The following DPYD variants were observed in gnomAD, a reference collection of about 807,000 sequenced individuals.
DPYD encodes dihydropyrimidine dehydrogenase.
In DPYD, 109 loss-of-function variants were observed where a neutral mutation model predicts 116.2. That is an observed-to-expected ratio of 0.94 (90% CI 0.80 to 1.10). The LOEUF is 1.10. Ranked by LOEUF, DPYD falls within the 50% of genes least tolerant of loss-of-function variation. The pLI is 0.00. For missense variants in DPYD, 1,302 were observed against 1,254.5 expected (o/e 1.04, Z -0.57); for synonymous variants, 440 against 432.0 (o/e 1.02, Z -0.23).
intron 8 of DPYD, among the ~76,000 whole-genome samples, chr1:97,653,959 T>C (rs951970707): frequency 4.6e-5 from 7 of 152,162 alleles, no homozygotes; most frequent in Non-Finnish European, 5.9e-5. Flanking sequence ...CAGATCTCTG[T>C]TGAAGTCTGA....
intron 12 of DPYD, among the ~76,000 whole-genome samples, chr1:97,532,596 T>G (rs922191910): frequency 6.6e-6 from 1 of 152,150 alleles, no homozygotes; most frequent in Non-Finnish European, 1.5e-5. Context: ...TTCTTCTTAA[T>G]TCTGTCTTTA....
chr1:97,874,180 A>G (rs1177331049), intron 2 of DPYD, among the ~76,000 whole-genome samples: 1 of 151,894 alleles, frequency 6.6e-6, no homozygotes, highest in Non-Finnish European at 1.5e-5. Flanking sequence ...ACACAGCTAA[A>G]TCCTTTGTTA....
At chr1:97,771,887 A>T (rs1416281538) in intron 3 of DPYD, among the ~76,000 whole-genome samples, 1 of 152,192 alleles carries the variant, frequency 6.6e-6, no homozygotes, top group African/African-American at 2.4e-5. Flanking sequence ...ATCTTACAAA[A>T]TATATTATAA....
chr1:97,726,029 G>A (rs1351133344), intron 4 of DPYD, among the ~76,000 whole-genome samples: 1 of 151,342 alleles, frequency 6.6e-6, no homozygotes, highest in Non-Finnish European at 1.5e-5. Flanking sequence ...TTAAAGGAGT[G>A]GGAATTATAT....
Position 97,286,689 on chromosome 1 carries a change from C to A in DPYD, c.2299+18570G>T, listed in dbSNP as rs370743531. 3.7e-4 allele frequency among the ~76,000 whole-genome samples: 57 copies of A among 152,296 alleles called. 1 individual carries two copies. In the East Asian group the frequency reaches 8.7e-3, roughly 23 times the overall value. On this transcript the variant is annotated intron_variant, in intron 18 of 22. Transcript: ENST00000370192. ...TTCATTTCATCTTCCATCACTGATA[C>A]CCTTTCTTCCAGTTGATCGCATCGG...
intron 5 of DPYD, among the ~76,000 whole-genome samples, chr1:97,707,894 C>T (rs1449084484): frequency 2.6e-5 from 4 of 151,988 alleles, no homozygotes; most frequent in African/African-American, 9.7e-5. Context: ...GGACATTTTG[C>T]ATAACAGTTC....
intron 20 of DPYD, among the ~76,000 whole-genome samples, chr1:97,145,923 T>C (rs1654592415): frequency 6.6e-6 from 1 of 152,000 alleles, no homozygotes; most frequent in East Asian, 1.9e-4. Context: ...CATCTGAGAA[T>C]ACAAAACCTC....
At chr1:97,614,048 C>T (rs1656112842) in intron 8 of DPYD, among the ~76,000 whole-genome samples, 1 of 151,880 alleles carries the variant, frequency 6.6e-6, no homozygotes, top group South Asian at 2.1e-4. Context: ...ATAGCAGCTA[C>T]CGTAGTTCCA....
At chr1:97,292,722 GCA>G (rs71765073) in intron 18 of DPYD, among the ~76,000 whole-genome samples, 41,276 of 149,704 alleles carry the variant, frequency 0.28, 5,725 homozygotes, top group Middle Eastern at 0.31. Context: ...ACACGCGCGA[GCA>G]CACACACACA....
chr1:97,183,769 A>G (rs572055706), intron 20 of DPYD, among the ~76,000 whole-genome samples: 59 of 152,194 alleles, frequency 3.9e-4, no homozygotes, highest in African/African-American at 1.3e-3. Context: ...GTTCTTCTTA[A>G]CTTTTATTTT....
chr1:97,149,312 C>T (rs1654853350), intron 20 of DPYD, among the ~76,000 whole-genome samples: 1 of 152,158 alleles, frequency 6.6e-6, no homozygotes, highest in South Asian at 2.1e-4. Context: ...AGTGCAGTGG[C>T]ATGATCTTGG....
chr1:97,192,428 CAA>C (rs1174455055), intron 20 of DPYD, among the ~76,000 whole-genome samples: 5 of 152,024 alleles, frequency 3.3e-5, no homozygotes, highest in Admixed American at 2.6e-4. Context: ...ATTGAGGGCT[CAA>C]GAAATGTCTT....
At chr1:97,635,103 G>A (rs1389128972) in intron 8 of DPYD, among the ~76,000 whole-genome samples, 4 of 151,982 alleles carry the variant, frequency 2.6e-5, no homozygotes, top group African/African-American at 4.8e-5. Context: ...AAACGCTGGA[G>A]TGGCACTGCC....
At chr1:97,632,297 C>G (rs187725410) in intron 8 of DPYD, among the ~76,000 whole-genome samples, 1 of 152,062 alleles carries the variant, frequency 6.6e-6, no homozygotes, top group Admixed American at 6.6e-5. Flanking sequence ...GGAACATTAG[C>G]GTTATCATAG....
intron 2 of DPYD, among the ~76,000 whole-genome samples, chr1:97,878,760 T>G (rs1437543343): frequency 1.3e-5 from 2 of 151,978 alleles, no homozygotes; most frequent in Admixed American, 1.3e-4. Flanking sequence ...ACACTGATCA[T>G]TAAAACGCCT....
At chr1:97,593,189 C>T in intron 10 of DPYD, 29 bp downstream of exon 10, 15 of 1,611,888 alleles carry the variant, frequency 9.3e-6, no homozygotes, top group Non-Finnish European at 1.3e-5. Context: ...TGGAGTACAA[C>T]TCCATATTTT....
At chr1:97,759,518 A>G (rs569884090) in intron 3 of DPYD, among the ~76,000 whole-genome samples, 1 of 152,328 alleles carries the variant, frequency 6.6e-6, no homozygotes, top group East Asian at 1.9e-4. Flanking sequence ...AGTGGAAAAC[A>G]GCACTTATCC....
At chr1:97,340,841 A>G (rs986093684) in intron 16 of DPYD, among the ~76,000 whole-genome samples, 1 of 152,222 alleles carries the variant, frequency 6.6e-6, no homozygotes, top group Non-Finnish European at 1.5e-5. Flanking sequence ...AGCAACATAC[A>G]TAGCACATGT....
chr1:97,498,514 GTGTA>G (rs1488179213), intron 13 of DPYD, among the ~76,000 whole-genome samples: 14 of 147,402 alleles, frequency 9.5e-5, no homozygotes, highest in Admixed American at 2.7e-4. Flanking sequence ...GTGTGTGTGT[GTGTA>G]CTTATTTAAA....
Sources: gnomAD v4.1 joint callset for allele counts (sites outside exome capture counted in the v4.1 genomes callset) on GRCh38, gnomAD v4.1.1 for gene constraint, MANE v1.5 for transcripts, NCBI Gene and HGNC (gene_info 2026-07-23, HGNC 2026-07-21) for gene names.